Variants in SAE1 observed in about 807,000 individuals in gnomAD.
SAE1 encodes the protein SUMO1 activating enzyme subunit 1.
Under a neutral mutation model 40.6 loss-of-function variants are expected in SAE1, and 11 were observed. The observed-to-expected ratio is 0.27, with a 90% CI of 0.17 to 0.45. The LOEUF (loss-of-function observed/expected upper bound fraction) is 0.45. Ranked by LOEUF, SAE1 falls within the 20% of genes least tolerant of loss-of-function variation. The pLI, the probability that SAE1 is intolerant of heterozygous loss-of-function variation, is 1.00. For missense variants in SAE1, 373 were observed against 427.3 expected, an observed-to-expected ratio of 0.87 and a Z score of 1.12; for synonymous variants, 155 against 154.3, an observed-to-expected ratio of 1.00 and a Z score of -0.03.
intron 2 of SAE1, among the ~76,000 whole-genome samples, chr19:47,144,179 C>T (rs1004068310): frequency 1.3e-5 from 2 of 151,918 alleles, no homozygotes; most frequent in Admixed American, 6.6e-5. Context: ...ACTCAGTATA[C>T]AAAAATTAGC....
At chr19:47,135,800 A>G (rs975458949) in intron 1 of SAE1, among the ~76,000 whole-genome samples, 1 of 146,500 alleles carries the variant, frequency 6.8e-6, no homozygotes, top group Non-Finnish European at 1.5e-5. Flanking sequence ...CACAATTTCT[A>G]TTTTTTTTTT....
intron 6 of SAE1, among the ~76,000 whole-genome samples, chr19:47,180,738 G>A (rs571695127): frequency 1.1e-4 from 16 of 152,252 alleles, no homozygotes; most frequent in East Asian, 3.9e-4. Context: ...TGGGAGGATC[G>A]GTTGAGCGCA....
At chr19:47,209,138 T>G (rs1407681800) in intron 8 of SAE1, 21 bp from the exon 9 acceptor site, 3 of 1,611,790 alleles carry the variant, frequency 1.9e-6, no homozygotes, top group Non-Finnish European at 2.5e-6. Flanking sequence ...AGCTAAACCC[T>G]CTTTTCATTT....
intron 6 of SAE1, among the ~76,000 whole-genome samples, chr19:47,188,493 G>T (rs890033692): frequency 2.0e-5 from 3 of 152,214 alleles, no homozygotes; most frequent in African/African-American, 7.2e-5. Context: ...GGTAATGCAG[G>T]TAAATGAGCT....
intron 3 of SAE1, 100 bp downstream of exon 3, chr19:47,150,475 AT>A (rs1339480859): frequency 6.3e-6 from 6 of 956,468 alleles, no homozygotes; most frequent in Non-Finnish European, 9.4e-6. Context: ...GCATTCAAAT[AT>A]CAAATTCTGA....
At chr19:47,177,312 A>G (rs1258666330) in intron 6 of SAE1, among the ~76,000 whole-genome samples, 1 of 152,232 alleles carries the variant, frequency 6.6e-6, no homozygotes, top group Non-Finnish European at 1.5e-5. Flanking sequence ...GAGGACAGCT[A>G]TAACAGAGGG....
At chr19:47,181,304 G>A (rs1208255043) in intron 6 of SAE1, among the ~76,000 whole-genome samples, 3 of 151,676 alleles carry the variant, frequency 2.0e-5, no homozygotes, top group Non-Finnish European at 4.4e-5. Flanking sequence ...CAACAAGAGC[G>A]AAACTCTATC....
chr19:47,139,803 A>T (rs1438747450), intron 1 of SAE1, among the ~76,000 whole-genome samples: 1 of 129,322 alleles, frequency 7.7e-6, no homozygotes, highest in African/African-American at 3.0e-5. Flanking sequence ...GGGTTTTACC[A>T]TGTTAGCCAG....
At chr19:47,155,575 C>T (rs2058317545) in intron 5 of SAE1, among the ~76,000 whole-genome samples, 1 of 151,994 alleles carries the variant, frequency 6.6e-6, no homozygotes, top group Non-Finnish European at 1.5e-5. Context: ...ATTCTCCTGC[C>T]TCATCCTCCC....
chr19:47,130,928 G>T lies in SAE1; in HGVS notation c.-3G>T. On this transcript the variant is annotated 5_prime_UTR_variant, in exon 1 of 9. Coordinates refer to ENST00000270225, the MANE Select transcript of SAE1 (RefSeq NM_005500.3). ...CGGAGCTGAGGCAGGAAGAGCCGGC[G>T]CCATGGTGGAGAAGGAGGAGGCTGG... 1 of 1,549,664 alleles carries T rather than the reference G, an allele frequency of 6.5e-7. No individual in the cohort carries two copies. Among genetic ancestry groups the T allele is most frequent in the Non-Finnish European group, 8.7e-7 (1 of 1,146,558 alleles).
intron 1 of SAE1, among the ~76,000 whole-genome samples, chr19:47,137,542 G>T (rs1249570622): frequency 6.6e-6 from 1 of 152,114 alleles, no homozygotes; most frequent in Non-Finnish European, 1.5e-5. Context: ...AGGCTGGAGT[G>T]CAGTGACGCA....
At chr19:47,150,043 A>G (rs1432402133) in intron 2 of SAE1, among the ~76,000 whole-genome samples, 159 bp from the exon 3 acceptor site, 1 of 147,714 alleles carries the variant, frequency 6.8e-6, no homozygotes, top group Non-Finnish European at 1.5e-5. Context: ...ATGCCACTGC[A>G]CTCCAGCCTG....
intron 7 of SAE1, among the ~76,000 whole-genome samples, chr19:47,199,070 CAGAG>C (rs1206280876): frequency 1.3e-5 from 2 of 151,852 alleles, no homozygotes; most frequent in Non-Finnish European, 1.5e-5. Context: ...GCCTGGGTGA[CAGAG>C]AGAGACCGTG....
chr19:47,204,665 C>T (rs1247890740), intron 8 of SAE1, among the ~76,000 whole-genome samples: 1 of 151,638 alleles, frequency 6.6e-6, no homozygotes, highest in Non-Finnish European at 1.5e-5. Flanking sequence ...CACCACCACA[C>T]CAGGCTAATT....
rs1166301382 is a variant in SAE1, at chr19:47,164,639, C to CTTTTTTTTTTTTTT, written c.628-5165_628-5152dup. On this transcript the variant is annotated intron_variant, in intron 5 of 8. Coordinates refer to ENST00000270225, the MANE Select transcript of SAE1 (RefSeq NM_005500.3). Reference sequence around the variant, plus strand: ...TTGATGGGCTATGTGGAGAATTCACCTTTTTTTTTTTTTTTTTTTTTTTTT... The same window carrying CTTTTTTTTTTTTTT: ...TTGATGGGCTATGTGGAGAATTCACCTTTTTTTTTTTTTTTTTTTTTTTTTTTTTTTTTTTTTTT... Among the ~76,000 whole-genome samples the CTTTTTTTTTTTTTT allele has an allele frequency of 1.3e-4, 10 of 78,394 alleles. 1 individual carries two copies. The highest frequency in any genetic ancestry group is 4.3e-4 in the African/African-American group (8 of 18,392). The allele number at this position is 78,394 out of a possible 152,430, so 51.4% of individuals were successfully genotyped here. A position where few individuals can be genotyped will look rare whatever the true frequency, so the allele number is the denominator to read the frequency against.
Position 47,153,234 on chromosome 19 carries a change from C to T in SAE1, c.527+194C>T, listed in dbSNP as rs144304341. ...CTGGGATTATAGGCATGATCCACTGCGCCTGGTCTGCTGACATGTTTTCAA... is the reference window on the plus strand; with the variant it reads ...CTGGGATTATAGGCATGATCCACTGTGCCTGGTCTGCTGACATGTTTTCAA... On this transcript the variant is annotated intron_variant, in intron 4 of 8. Coordinates refer to ENST00000270225, the MANE Select transcript of SAE1 (RefSeq NM_005500.3). Among the ~76,000 whole-genome samples the T allele has an allele frequency of 2.6e-5, 4 of 152,112 alleles. No homozygotes were observed. In the East Asian group the frequency reaches 5.8e-4, roughly 22 times the overall value.
intron 6 of SAE1, among the ~76,000 whole-genome samples, chr19:47,190,021 G>A (rs575966401): frequency 2.0e-5 from 3 of 152,186 alleles, no homozygotes; most frequent in Admixed American, 6.5e-5. Context: ...TATAAATAAC[G>A]TGAAACCGTG....
At chr19:47,193,096 C>G (rs1373765218) in intron 6 of SAE1, among the ~76,000 whole-genome samples, 1 of 143,960 alleles carries the variant, frequency 6.9e-6, no homozygotes, top group Non-Finnish European at 1.5e-5. Flanking sequence ...CTTGCTCTGT[C>G]GCCCAGGCTG....
In SAE1 at chr19:47,145,896, G is replaced by A. The variant is rs1311077019; in HGVS notation, c.210+2291G>A. ...GTGCCCTGAAGTCTGCTAGGTGCTG[G>A]TGATAGAAAGATGCTCACGGTTTGG... On this transcript the variant is annotated intron_variant, in intron 2 of 8. Coordinates refer to ENST00000270225, the MANE Select transcript of SAE1 (RefSeq NM_005500.3). Among the ~76,000 whole-genome samples the A allele has an allele frequency of 3.3e-5, 5 of 151,698 alleles. No individual in the cohort carries two copies. The East Asian group carries it at 9.6e-4, about 29-fold the overall frequency.
Sources: gnomAD v4.1 joint callset for allele counts (sites outside exome capture counted in the v4.1 genomes callset) on GRCh38, gnomAD v4.1.1 for gene constraint, MANE v1.5 for transcripts, NCBI Gene and HGNC (gene_info 2026-07-23, HGNC 2026-07-21) for gene names.